Variants in PXDNL observed in about 807,000 individuals in gnomAD.
The protein encoded by PXDNL is peroxidasin like, also known as probable oxidoreductase PXDNL.
A neutral mutation model predicts 150.8 loss-of-function variants in PXDNL; 145 were observed. The ratio of observed to expected loss-of-function variants is 0.96; its 90% CI spans 0.84 to 1.10. PXDNL has a LOEUF of 1.10. Ranked by LOEUF, PXDNL falls within the 50% of genes least tolerant of loss-of-function variation. PXDNL has a pLI of 0.00. For missense variants in PXDNL, 2,087 were observed against 1,873.9 expected (o/e 1.11, Z -2.10); for synonymous variants, 757 against 725.7 (o/e 1.04, Z -0.69).
chr8:51,491,366 A>T (rs1026103230), intron 5 of PXDNL, among the ~76,000 whole-genome samples: 3 of 152,176 alleles, frequency 2.0e-5, no homozygotes, highest in Non-Finnish European at 4.4e-5. Context: ...TACCTAAAAG[A>T]AGCTGCCTCT....
At chr8:51,458,879 G>T (rs954837499) in intron 8 of PXDNL, among the ~76,000 whole-genome samples, 2 of 152,204 alleles carry the variant, frequency 1.3e-5, no homozygotes, top group Admixed American at 1.3e-4. Context: ...GAATCACAGA[G>T]TGAAGGCAGG....
intron 2 of PXDNL, among the ~76,000 whole-genome samples, chr8:51,652,797 T>C (rs1305660703): frequency 6.6e-6 from 1 of 152,208 alleles, no homozygotes; most frequent in African/African-American, 2.4e-5. Flanking sequence ...TAATTACTAT[T>C]TTATTACGGT....
chr8:51,644,483 G>A (rs145440113), intron 2 of PXDNL, among the ~76,000 whole-genome samples: 3,105 of 145,454 alleles, frequency 0.021, 133 homozygotes, highest in African/African-American at 0.074. Context: ...GTTTTGAGAC[G>A]GAGTCTCGAT....
intron 2 of PXDNL, among the ~76,000 whole-genome samples, chr8:51,609,313 G>A (rs982199421): frequency 2.0e-5 from 3 of 152,170 alleles, no homozygotes; most frequent in Non-Finnish European, 4.4e-5. Flanking sequence ...AATTCAAGTG[G>A]TAATTTATAG....
intron 1 of PXDNL, among the ~76,000 whole-genome samples, chr8:51,689,732 T>C (rs949547922): frequency 7.9e-5 from 12 of 152,276 alleles, no homozygotes; most frequent in Middle Eastern, 3.4e-3. Flanking sequence ...TTGATTCCGG[T>C]AATATAAGGA....
chr8:51,755,544 G>A (rs940838085), intron 1 of PXDNL, among the ~76,000 whole-genome samples: 6 of 152,082 alleles, frequency 3.9e-5, no homozygotes, highest in Non-Finnish European at 1.5e-5. Context: ...CACCTGCCTC[G>A]GCCTCCCAAA....
intron 4 of PXDNL, among the ~76,000 whole-genome samples, chr8:51,536,473 G>A (rs1170309066): frequency 6.6e-6 from 1 of 152,212 alleles, no homozygotes. Context: ...TTGAGCCTAG[G>A]CTGAAATGAA....
chr8:51,495,700 G>A (rs535993306), intron 5 of PXDNL, among the ~76,000 whole-genome samples: 5 of 152,152 alleles, frequency 3.3e-5, no homozygotes, highest in East Asian at 3.9e-4. Flanking sequence ...TAAATTCCTC[G>A]ACACATACAC....
intron 1 of PXDNL, among the ~76,000 whole-genome samples, chr8:51,655,627 G>A (rs1035024128): frequency 3.3e-5 from 5 of 152,094 alleles, no homozygotes; most frequent in African/African-American, 4.8e-5. Context: ...CTTCCTGCCC[G>A]GAACAGGGTG....
chr8:51,753,794 T>C (rs948444583), intron 1 of PXDNL, among the ~76,000 whole-genome samples: 6 of 152,170 alleles, frequency 3.9e-5, no homozygotes, highest in Non-Finnish European at 8.8e-5. Flanking sequence ...AGGGCAAAGG[T>C]GGTTCCAAAA....
intron 21 of PXDNL, among the ~76,000 whole-genome samples, chr8:51,331,085 C>A (rs1481992155): frequency 1.3e-5 from 2 of 152,166 alleles, no homozygotes; most frequent in Non-Finnish European, 2.9e-5. Flanking sequence ...CCGAGAGGAT[C>A]CACAGACCCT....
intron 14 of PXDNL, among the ~76,000 whole-genome samples, chr8:51,420,224 C>T (rs1808911103): frequency 6.6e-6 from 1 of 152,152 alleles, no homozygotes. Context: ...TAAGTGGGGG[C>T]ATCAAGATTG....
intron 17 of PXDNL, among the ~76,000 whole-genome samples, chr8:51,400,541 T>A (rs894352302): frequency 4.6e-5 from 7 of 152,194 alleles, no homozygotes; most frequent in African/African-American, 1.7e-4. Flanking sequence ...CACTCTGTTT[T>A]TGCTAGACAA....
Position 51,728,586 on chromosome 8 carries a change from GA to G in PXDNL, c.165-73827del, listed in dbSNP as rs1167537906. On this transcript the variant is annotated intron_variant, in intron 1 of 22. Transcript: ENST00000356297. ...TCATTTTTAACAAAAAGTATTAAAT[GA>G]AAAAAAAATTTAAAAATTTAAGAAT... 8.0e-5 allele frequency among the ~76,000 whole-genome samples: 12 copies of G among 149,532 alleles called. 1 individual carries two copies. In the East Asian group the frequency reaches 2.0e-3, roughly 24 times the overall value.
At chr8:51,668,176 C>CTTTTT (rs71550279) in intron 1 of PXDNL, among the ~76,000 whole-genome samples, 5 of 77,386 alleles carry the variant, frequency 6.5e-5, no homozygotes, top group African/African-American at 1.1e-4. Flanking sequence ...CTCGCTCTCT[C>CTTTTT]TTTTTTTTTT....
At chr8:51,539,061 T>A (rs1264749662) in intron 4 of PXDNL, among the ~76,000 whole-genome samples, 1 of 152,314 alleles carries the variant, frequency 6.6e-6, no homozygotes, top group South Asian at 2.1e-4. Flanking sequence ...CCTTAAGAGT[T>A]ATTCAGTCTT....
chr8:51,655,038 C>A (rs549305303), intron 1 of PXDNL, among the ~76,000 whole-genome samples: 58 of 152,256 alleles, frequency 3.8e-4, no homozygotes, highest in African/African-American at 1.3e-3. Context: ...GACAGTTACA[C>A]CATTTATTTT....
chr8:51,724,259 G>A (rs975544326), intron 1 of PXDNL, among the ~76,000 whole-genome samples: 7 of 152,098 alleles, frequency 4.6e-5, no homozygotes, highest in Non-Finnish European at 4.4e-5. Flanking sequence ...CAAAGGGAGC[G>A]TATGTAGAGA....
In PXDNL at chr8:51,320,997, C is replaced by T. The variant is rs1056242589; in HGVS notation, c.4147-100G>A. The T allele has an allele frequency of 1.4e-5, 12 of 882,964 alleles. No homozygotes were observed. In the African/African-American group the frequency reaches 1.9e-4, roughly 14 times the overall value. The allele number at this position is 882,964 out of a possible 1,614,324, so 54.7% of individuals were successfully genotyped here. Reference sequence around the variant, plus strand: ...GATGAAATGCTCTATTCTGTAAGCACACACCTAGAAGGCAAAAGAAACTTC... The same window carrying T: ...GATGAAATGCTCTATTCTGTAAGCATACACCTAGAAGGCAAAAGAAACTTC... On this transcript the variant is annotated intron_variant, in intron 21 of 22. Transcript: ENST00000356297.
Sources: gnomAD v4.1 joint callset for allele counts (sites outside exome capture counted in the v4.1 genomes callset) on GRCh38, gnomAD v4.1.1 for gene constraint, MANE v1.5 for transcripts, NCBI Gene and HGNC (gene_info 2026-07-23, HGNC 2026-07-21) for gene names.